The following NREP variants were observed in gnomAD, a reference collection of about 807,000 sequenced individuals.
NREP encodes the protein neuronal regeneration related protein, also known as neuronal regeneration-related protein.
NREP carries 5 observed loss-of-function variants against 8.6 expected under a neutral mutation model. The ratio of observed to expected loss-of-function variants is 0.58; its 90% CI spans 0.30 to 1.22. The LOEUF (loss-of-function observed/expected upper bound fraction) is 1.22, where lower values mean the gene tolerates loss of function less well. Among genes scored for constraint, NREP ranks in the 50% most tolerant of loss-of-function variants. NREP has a pLI of 0.07. For synonymous variants in NREP, 27 were observed against 28.0 expected (o/e 0.96, Z 0.11); for missense variants, 86 against 82.5 (o/e 1.04, Z -0.17).
intron 2 of NREP, among the ~76,000 whole-genome samples, chr5:111,765,724 C>T (rs1328250735): frequency 1.3e-5 from 2 of 152,154 alleles, no homozygotes; most frequent in Non-Finnish European, 2.9e-5. Flanking sequence ...ATGATTAGGG[C>T]TTCATCCCTT....
intron 2 of NREP, among the ~76,000 whole-genome samples, chr5:111,803,939 A>T (rs1274365537): frequency 6.6e-6 from 1 of 152,238 alleles, no homozygotes; most frequent in African/African-American, 2.4e-5. Context: ...AGTCATGAAC[A>T]TATCAGTTCT....
intron 2 of NREP, among the ~76,000 whole-genome samples, chr5:111,947,429 T>C (rs1262986952): frequency 6.6e-6 from 1 of 151,860 alleles, no homozygotes; most frequent in Non-Finnish European, 1.5e-5. Flanking sequence ...AGGGTATTTA[T>C]TGACTTTGAA....
At chr5:111,894,674 A>G (rs1184834226) in intron 2 of NREP, among the ~76,000 whole-genome samples, 1 of 152,202 alleles carries the variant, frequency 6.6e-6, no homozygotes, top group Non-Finnish European at 1.5e-5. Context: ...CCAGCTCTTT[A>G]CTGTACCTAT....
At chr5:111,853,099 G>A (rs1753348537) in intron 2 of NREP, among the ~76,000 whole-genome samples, 1 of 152,038 alleles carries the variant, frequency 6.6e-6, no homozygotes, top group Non-Finnish European at 1.5e-5. Flanking sequence ...ACTCAGAACT[G>A]TATACTTAAA....
chr5:111,919,987 C>T (rs76022925), intron 2 of NREP, among the ~76,000 whole-genome samples: 1,531 of 114,698 alleles, frequency 0.013, 26 homozygotes, highest in South Asian at 0.036. Flanking sequence ...CCCCCCCCCA[C>T]ACACACAAAG....
chr5:111,728,944 T>TAAAG (rs1748325179), downstream of NREP: 1 of 132,642 alleles, frequency 7.5e-6, no homozygotes, highest in Admixed American at 7.1e-5. Context: ...GAGTGGGTCT[T>TAAAG]AAAGAATACC....
At chr5:111,807,102 C>T (rs921509577) in intron 2 of NREP, among the ~76,000 whole-genome samples, 2 of 151,906 alleles carry the variant, frequency 1.3e-5, no homozygotes, top group Non-Finnish European at 1.5e-5. Flanking sequence ...GATAATTAAA[C>T]CTAATTTATC....
intron 2 of NREP, among the ~76,000 whole-genome samples, chr5:111,889,288 G>T (rs769030682): frequency 5.9e-5 from 9 of 152,110 alleles, no homozygotes; most frequent in Non-Finnish European, 8.8e-5. Context: ...GTGGTGGAAG[G>T]TGCCACACAC....
At chr5:111,893,100 G>A (rs1754431933) in intron 2 of NREP, among the ~76,000 whole-genome samples, 2 of 152,304 alleles carry the variant, frequency 1.3e-5, no homozygotes, top group South Asian at 2.1e-4. Flanking sequence ...TATGACAGTT[G>A]CAGCCAGATC....
intron 2 of NREP, among the ~76,000 whole-genome samples, chr5:111,971,710 G>A (rs1404232164): frequency 6.6e-6 from 1 of 152,100 alleles, no homozygotes; most frequent in African/African-American, 2.4e-5. Flanking sequence ...TCATATCATA[G>A]ACAAAAGTAA....
rs188557972 is a variant in NREP at position 111,763,192 on chromosome 5, G to A, written c.136-27685C>T. Among the ~76,000 whole-genome samples the A allele has an allele frequency of 1.5e-4, 23 of 152,276 alleles. No homozygotes were observed. The East Asian group carries it at 1.5e-3, about 10-fold the overall frequency. ...CACCAAGAGTATGCTCAGTGTCTTCGTATTAGACGATTCAGTAAGTCTCAG... is the reference window on the plus strand; with the variant it reads ...CACCAAGAGTATGCTCAGTGTCTTCATATTAGACGATTCAGTAAGTCTCAG... On this transcript the variant is annotated intron_variant, in intron 2 of 3. Coordinates refer to the NREP transcript ENST00000395634.
intron 2 of NREP, among the ~76,000 whole-genome samples, chr5:111,924,061 G>C (rs1054072599): frequency 6.6e-6 from 1 of 152,142 alleles, no homozygotes; most frequent in Non-Finnish European, 1.5e-5. Context: ...TAGGGTTTTA[G>C]GGAGGGTGAA....
chr5:111,798,925 C>T (rs971446261), intron 2 of NREP, among the ~76,000 whole-genome samples: 1 of 152,132 alleles, frequency 6.6e-6, no homozygotes, highest in African/African-American at 2.4e-5. Flanking sequence ...ACTTCTTTTC[C>T]TCTAGGTAGA....
intron 2 of NREP, among the ~76,000 whole-genome samples, chr5:111,919,269 T>C (rs754237867): frequency 4.6e-5 from 7 of 152,122 alleles, no homozygotes; most frequent in Admixed American, 2.6e-4. Context: ...TTTTACACTA[T>C]TGCTGGGAGT....
chr5:111,954,961 G>A (rs1756266575), intron 2 of NREP, among the ~76,000 whole-genome samples: 1 of 152,176 alleles, frequency 6.6e-6, no homozygotes. Context: ...CAGGATGGGA[G>A]TTTGTTAAAT....
chr5:111,965,300 A>C (rs1230521777), intron 2 of NREP, among the ~76,000 whole-genome samples: 1 of 152,186 alleles, frequency 6.6e-6, no homozygotes, highest in Non-Finnish European at 1.5e-5. Flanking sequence ...AGGGAAATAA[A>C]ATTCATCTAA....
chr5:111,764,662 A>T (rs1454455014), intron 2 of NREP, among the ~76,000 whole-genome samples: 1 of 152,164 alleles, frequency 6.6e-6, no homozygotes, highest in African/African-American at 2.4e-5. Context: ...ACTATATCAA[A>T]GGTGAAAGAT....
At chr5:111,853,658 C>T (rs935427187) in intron 2 of NREP, among the ~76,000 whole-genome samples, 2 of 151,854 alleles carry the variant, frequency 1.3e-5, no homozygotes, top group Non-Finnish European at 2.9e-5. Context: ...TAAAAACAAC[C>T]AAAGTGTCTC....
intron 2 of NREP, among the ~76,000 whole-genome samples, chr5:111,852,294 C>G (rs964998514): frequency 1.3e-5 from 2 of 151,896 alleles, no homozygotes; most frequent in African/African-American, 4.8e-5. Flanking sequence ...TTTTGTATCT[C>G]TTGCTGTTGC....
Sources: gnomAD v4.1 joint callset for allele counts (sites outside exome capture counted in the v4.1 genomes callset) on GRCh38, gnomAD v4.1.1 for gene constraint, MANE v1.5 for transcripts, NCBI Gene and HGNC (gene_info 2026-07-23, HGNC 2026-07-21) for gene names.